OR9Q1: variants seen among roughly 807,000 people sequenced by gnomAD.
OR9Q1 encodes the protein olfactory receptor family 9 subfamily Q member 1, also known as olfactory receptor 9Q1.
For missense variants in OR9Q1, 374 were observed against 378.8 expected (o/e 0.99, Z 0.11); for synonymous variants, 153 against 148.6 (o/e 1.03, Z -0.22).
At chr11:58,029,519 G>A (rs570776312) in intron 1 of OR9Q1, among the ~76,000 whole-genome samples, 4 of 152,084 alleles carry the variant, frequency 2.6e-5, no homozygotes, top group East Asian at 1.9e-4. Flanking sequence ...CAAGAATTTG[G>A]GGCTGTATTT....
chr11:58,166,729 C>T lies in OR9Q1; in HGVS notation c.-14-12702C>T, dbSNP rs545761381. Among the ~76,000 whole-genome samples, 6 of 151,992 alleles carry T rather than the reference C, an allele frequency of 3.9e-5. No homozygotes were observed. The South Asian group carries it at 6.2e-4, about 16-fold the overall frequency. ...GCATAGTTTGGTTCACTGTGGACTG[C>T]GGGAAACATTTGGCATGAGATTCAA... is the stretch of plus-strand genomic sequence containing the variant. On this transcript the variant is annotated intron_variant, in intron 2 of 2. Coordinates refer to ENST00000335397, the MANE Select transcript of OR9Q1 (RefSeq NM_001005212.4).
chr11:58,100,392 G>A (rs1015761818), intron 2 of OR9Q1, among the ~76,000 whole-genome samples: 2 of 151,976 alleles, frequency 1.3e-5, no homozygotes, highest in African/African-American at 4.8e-5. Context: ...GTATAATTCC[G>A]TTTACTTTTT....
intron 1 of OR9Q1, among the ~76,000 whole-genome samples, chr11:58,055,600 A>G (rs1048160610): frequency 1.3e-5 from 2 of 151,924 alleles, no homozygotes; most frequent in African/African-American, 2.4e-5. Context: ...GGAGTTTGAG[A>G]CTAGTCTGGG....
intron 2 of OR9Q1, chr11:58,117,278 C>T (rs919657912): frequency 4.6e-5 from 7 of 152,098 alleles, no homozygotes; most frequent in African/African-American, 1.7e-4. Flanking sequence ...AAAATTAAAT[C>T]ATTTACCCAA....
chr11:58,120,442 A>G (rs909021379), intron 2 of OR9Q1, among the ~76,000 whole-genome samples: 1 of 151,890 alleles, frequency 6.6e-6, no homozygotes, highest in Non-Finnish European at 1.5e-5. Context: ...TCTTTTTTTG[A>G]ATTTGAATAT....
At chr11:58,099,920 T>G (rs961219004) in intron 2 of OR9Q1, among the ~76,000 whole-genome samples, 14 of 152,214 alleles carry the variant, frequency 9.2e-5, no homozygotes, top group Admixed American at 2.0e-4. Flanking sequence ...ACAACATACA[T>G]CCTTTTGGTG....
chr11:58,034,036 T>A (rs904464892), intron 1 of OR9Q1, among the ~76,000 whole-genome samples: 1 of 147,862 alleles, frequency 6.8e-6, no homozygotes, highest in African/African-American at 2.5e-5. Context: ...GGATGTTGGC[T>A]AAGAAAGTTC....
chr11:58,167,954 G>T (rs372259356), intron 2 of OR9Q1, among the ~76,000 whole-genome samples: 8 of 152,290 alleles, frequency 5.3e-5, no homozygotes, highest in Admixed American at 2.6e-4. Flanking sequence ...CTCTTGAAGG[G>T]TGGAGCTGCC....
intron 2 of OR9Q1, among the ~76,000 whole-genome samples, chr11:58,070,535 G>A (rs1177491037): frequency 6.6e-6 from 1 of 152,164 alleles, no homozygotes; most frequent in Non-Finnish European, 1.5e-5. Context: ...CTGGTCTCAT[G>A]TGGTTGGTTT....
chr11:58,028,426 C>T (rs1286484675), intron 1 of OR9Q1, among the ~76,000 whole-genome samples: 1 of 152,146 alleles, frequency 6.6e-6, no homozygotes, highest in Non-Finnish European at 1.5e-5. Flanking sequence ...ATAGATGACA[C>T]AAGAGAGCTA....
intron 2 of OR9Q1, among the ~76,000 whole-genome samples, chr11:58,130,962 T>C (rs536559335): frequency 2.6e-5 from 4 of 152,282 alleles, no homozygotes; most frequent in South Asian, 2.1e-4. Flanking sequence ...AAATCTATAA[T>C]CATGGTACTG....
intron 1 of OR9Q1, among the ~76,000 whole-genome samples, chr11:58,053,609 A>T (rs1428346912): frequency 5.8e-5 from 4 of 68,716 alleles, no homozygotes; most frequent in African/African-American, 2.0e-4. Context: ...AATAAAATTA[A>T]AAAATATATA....
chr11:58,176,332 T>C (rs1197036329), intron 2 of OR9Q1, among the ~76,000 whole-genome samples: 1 of 152,196 alleles, frequency 6.6e-6, no homozygotes. Context: ...TTGAGAACCG[T>C]GACTGGGAAG....
intron 2 of OR9Q1, among the ~76,000 whole-genome samples, chr11:58,090,877 G>A (rs925044262): frequency 1.3e-5 from 2 of 152,142 alleles, no homozygotes; most frequent in Non-Finnish European, 2.9e-5. Flanking sequence ...TTTGGAGGGT[G>A]TATGTGTCCA....
At chr11:58,070,825 A>T (rs1853480713) in intron 2 of OR9Q1, among the ~76,000 whole-genome samples, 1 of 152,226 alleles carries the variant, frequency 6.6e-6, no homozygotes, top group Non-Finnish European at 1.5e-5. Flanking sequence ...CTGGGTGGAC[A>T]GTAGGTTACT....
chr11:58,171,587 T>A (rs1194192265), intron 2 of OR9Q1: 2 of 152,178 alleles, frequency 1.3e-5, no homozygotes, highest in Non-Finnish European at 2.9e-5. Context: ...AGTAGGCAAG[T>A]CCCTTACAGG....
At chr11:58,177,144 A>G (rs11605537) in intron 2 of OR9Q1, among the ~76,000 whole-genome samples, 37,906 of 152,106 alleles carry the variant, frequency 0.25, 5,108 homozygotes, top group Middle Eastern at 0.43. Flanking sequence ...ATCCTGTTGC[A>G]CTACAACTCT....
chr11:58,108,416 T>A (rs1447172), intron 2 of OR9Q1, among the ~76,000 whole-genome samples: 57,278 of 151,632 alleles, frequency 0.38, 11,843 homozygotes, highest in East Asian at 0.67. Context: ...TGGTAATCAG[T>A]TCGCTTATGA....
chr11:58,039,373 A>G (rs1244172886), intron 1 of OR9Q1, among the ~76,000 whole-genome samples: 2 of 152,188 alleles, frequency 1.3e-5, no homozygotes, highest in Non-Finnish European at 2.9e-5. Context: ...AGCCTTGTCA[A>G]GGTAGGATTT....
Sources: gnomAD v4.1 joint callset for allele counts (sites outside exome capture counted in the v4.1 genomes callset) on GRCh38, gnomAD v4.1.1 for gene constraint, MANE v1.5 for transcripts, NCBI Gene and HGNC (gene_info 2026-07-23, HGNC 2026-07-21) for gene names.